Variants in KLF12 observed in about 807,000 individuals in gnomAD.
KLF12 encodes the protein KLF transcription factor 12.
A neutral mutation model predicts 37.8 loss-of-function variants in KLF12; 9 were observed. That is an observed-to-expected ratio of 0.24 (90% CI 0.14 to 0.42). The LOEUF is 0.42. Ranked by LOEUF, KLF12 falls within the 10% of genes least tolerant of loss-of-function variation. KLF12 has a pLI of 1.00. For synonymous variants in KLF12, 208 were observed against 202.1 expected, an observed-to-expected ratio of 1.03 and a Z score of -0.25; for missense variants, 411 against 516.0, an observed-to-expected ratio of 0.80 and a Z score of 1.97.
At chr13:73,887,725 C>CA (rs58598658) in intron 3 of KLF12, among the ~76,000 whole-genome samples, 76,568 of 151,642 alleles carry the variant, frequency 0.5, 19,757 homozygotes, top group African/African-American at 0.57. Context: ...CATGGTTTTA[C>CA]AAAAAAAACA....
chr13:74,186,820 C>T, the KLF12 span, among the ~76,000 whole-genome samples: 4 of 152,246 alleles, frequency 2.6e-5, 1 homozygote, highest in South Asian at 8.3e-4. Context: ...TATACTTTCC[C>T]CTTTTACAGA....
At chr13:74,141,652 A>G in the KLF12 span, among the ~76,000 whole-genome samples, 1 of 152,304 alleles carries the variant, frequency 6.6e-6, no homozygotes, top group Non-Finnish European at 1.5e-5. Flanking sequence ...TTTCTTAAAT[A>G]CAGCTGCCCC....
chr13:74,110,862 G>A (rs909573295), intron 1 of KLF12, among the ~76,000 whole-genome samples: 4 of 152,168 alleles, frequency 2.6e-5, no homozygotes, highest in African/African-American at 7.2e-5. Flanking sequence ...AAGACGTGAT[G>A]TATTCTAGTT....
At chr13:74,253,616 A>G in the KLF12 span, among the ~76,000 whole-genome samples, 1 of 152,186 alleles carries the variant, frequency 6.6e-6, no homozygotes, top group Non-Finnish European at 1.5e-5. Context: ...CTCATTTTTC[A>G]AAGAGATTAA....
intron 3 of KLF12, among the ~76,000 whole-genome samples, chr13:73,847,771 T>C (rs995424582): frequency 2.0e-5 from 3 of 152,154 alleles, no homozygotes; most frequent in African/African-American, 4.8e-5. Flanking sequence ...TTTCAGTTTA[T>C]GTGCTGAAAT....
At chr13:73,827,186 A>G (rs936197919) in intron 4 of KLF12, among the ~76,000 whole-genome samples, 1 of 152,178 alleles carries the variant, frequency 6.6e-6, no homozygotes, top group Admixed American at 6.5e-5. Flanking sequence ...TAAATGGAGC[A>G]GTATTAGTTA....
At chr13:73,742,210 G>T (rs1351725819) in intron 6 of KLF12, among the ~76,000 whole-genome samples, 2 of 152,202 alleles carry the variant, frequency 1.3e-5, no homozygotes, top group Non-Finnish European at 2.9e-5. Context: ...TCTTGTATTA[G>T]ATTTGGAGAA....
intron 5 of KLF12, among the ~76,000 whole-genome samples, chr13:73,810,076 C>G (rs1882845871): frequency 1.3e-5 from 2 of 152,034 alleles, no homozygotes; most frequent in Non-Finnish European, 2.9e-5. Context: ...GAAACTCTGT[C>G]TCTACAAAAA....
the KLF12 span, among the ~76,000 whole-genome samples, chr13:74,250,233 G>T: frequency 6.6e-6 from 1 of 152,110 alleles, no homozygotes; most frequent in Non-Finnish European, 1.5e-5. Context: ...ATGAGGACAA[G>T]AGTTCTACAC....
intron 4 of KLF12, among the ~76,000 whole-genome samples, chr13:73,823,316 G>A (rs1883639940): frequency 6.6e-6 from 1 of 151,736 alleles, no homozygotes; most frequent in Admixed American, 6.6e-5. Context: ...ACTTAAGTCT[G>A]CTTTTATATC....
chr13:73,901,398 G>A (rs962887211), intron 3 of KLF12, among the ~76,000 whole-genome samples: 4 of 152,104 alleles, frequency 2.6e-5, no homozygotes, highest in Admixed American at 6.5e-5. Flanking sequence ...GGGCCTTTTT[G>A]TTGCCATAGA....
intron 4 of KLF12, among the ~76,000 whole-genome samples, chr13:73,829,301 G>C (rs1467472980): frequency 6.6e-6 from 1 of 152,162 alleles, no homozygotes; most frequent in Non-Finnish European, 1.5e-5. Flanking sequence ...TTTTGAATCT[G>C]GCAGGCCAAA....
intron 1 of KLF12, among the ~76,000 whole-genome samples, chr13:74,074,335 T>C (rs1322157426): frequency 6.6e-6 from 1 of 152,200 alleles, no homozygotes; most frequent in Admixed American, 6.5e-5. Flanking sequence ...GCATGTGTCC[T>C]CTTGCTCCCA....
rs184733667 is a variant in KLF12 at position 73,946,055 on chromosome 13, C to T, written c.34-1985G>A. 4.3e-4 allele frequency among the ~76,000 whole-genome samples: 65 copies of T among 152,190 alleles called. 1 individual carries two copies. The highest frequency in any genetic ancestry group is 1.4e-3 in the East Asian group (7 of 5,170). ...AGTCTCAGGAAAGCCTTCCTGCAGC[C>T]GGCCAGCCCTCGACTCTCCGGAGTC... On this transcript the variant is annotated intron_variant, in intron 2 of 7. Transcript: ENST00000377669.
At chr13:73,977,195 C>T (rs1891552625) in intron 2 of KLF12, among the ~76,000 whole-genome samples, 1 of 151,986 alleles carries the variant, frequency 6.6e-6, no homozygotes, top group Non-Finnish European at 1.5e-5. Context: ...GCATGAGCCA[C>T]CAACACCCGG....
At chr13:74,184,627 G>A in the KLF12 span, among the ~76,000 whole-genome samples, 3 of 152,082 alleles carry the variant, frequency 2.0e-5, no homozygotes, top group Non-Finnish European at 4.4e-5. Context: ...AGTATGCTTG[G>A]ATAAACCGTA....
chr13:73,902,263 TA>T (rs1323811265), intron 3 of KLF12, among the ~76,000 whole-genome samples: 2 of 152,182 alleles, frequency 1.3e-5, no homozygotes, highest in African/African-American at 4.8e-5. Context: ...CAGGAGAGTA[TA>T]AAAAATGTTT....
intron 6 of KLF12, among the ~76,000 whole-genome samples, chr13:73,744,311 C>A (rs143825271): frequency 4.1e-4 from 63 of 152,280 alleles, no homozygotes; most frequent in Non-Finnish European, 7.2e-4. Context: ...TTTGGAACTT[C>A]AATTTCATCA....
chr13:73,783,647 T>C (rs1881119636), intron 5 of KLF12, among the ~76,000 whole-genome samples: 1 of 152,162 alleles, frequency 6.6e-6, no homozygotes. Context: ...AATTTTCTAT[T>C]TTACTAATGT....
Sources: gnomAD v4.1 joint callset for allele counts (sites outside exome capture counted in the v4.1 genomes callset) on GRCh38, gnomAD v4.1.1 for gene constraint, MANE v1.5 for transcripts, NCBI Gene and HGNC (gene_info 2026-07-23, HGNC 2026-07-21) for gene names.